Variants in TTLL11 observed in about 807,000 individuals in gnomAD.
TTLL11 encodes the protein tubulin tyrosine ligase like 11.
TTLL11 carries 42 observed loss-of-function variants against 51.7 expected under a neutral mutation model. That is an observed-to-expected ratio of 0.81 (90% CI 0.64 to 1.05). TTLL11 has a LOEUF of 1.05. Among genes scored for constraint, TTLL11 ranks in the 50% least tolerant of loss-of-function variants. The pLI is 0.00. For synonymous variants in TTLL11, 381 were observed against 383.5 expected (o/e 0.99, Z 0.08); for missense variants, 799 against 940.4 (o/e 0.85, Z 1.97).
intron 1 of TTLL11, among the ~76,000 whole-genome samples, chr9:122,055,243 A>AGATAGATAGAT (rs57031172): frequency 3.4e-5 from 5 of 144,962 alleles, no homozygotes; most frequent in Non-Finnish European, 3.2e-5. Context: ...ATAGATAGAT[A>AGATAGATAGAT]AAGGGGAGTT....
At chr9:121,947,791 C>T (rs1178623563) in intron 6 of TTLL11, among the ~76,000 whole-genome samples, 2 of 152,146 alleles carry the variant, frequency 1.3e-5, no homozygotes, top group African/African-American at 4.8e-5. Flanking sequence ...AAGTTACTTA[C>T]CCCCCAGGAT....
At chr9:121,842,870 G>A (rs1479006634) in intron 8 of TTLL11, among the ~76,000 whole-genome samples, 3 of 152,136 alleles carry the variant, frequency 2.0e-5, no homozygotes, top group Admixed American at 6.5e-5. Context: ...AAGAATTATG[G>A]CTCTACCACT....
intron 6 of TTLL11, among the ~76,000 whole-genome samples, chr9:121,911,359 T>C (rs1274579700): frequency 6.6e-6 from 1 of 151,970 alleles, no homozygotes. Flanking sequence ...ATTGTGCCAC[T>C]GCACTCCAGC....
At chr9:121,858,049 C>T (rs1010103761) in intron 8 of TTLL11, among the ~76,000 whole-genome samples, 3 of 152,108 alleles carry the variant, frequency 2.0e-5, no homozygotes, top group South Asian at 2.1e-4. Context: ...CAGAAAGTGC[C>T]GCTGCTCGAT....
At chr9:121,988,914 C>T (rs1480880661) in intron 4 of TTLL11, 9 of 591,932 alleles carry the variant, frequency 1.5e-5, no homozygotes, top group Non-Finnish European at 2.2e-5. Context: ...CTCTGCTTTA[C>T]ATGTGTTATC....
chr9:121,889,324 T>C (rs1377904948), intron 6 of TTLL11, among the ~76,000 whole-genome samples: 2 of 152,200 alleles, frequency 1.3e-5, no homozygotes, highest in Non-Finnish European at 2.9e-5. Flanking sequence ...TTGCTCGCTA[T>C]GTGATTTTGG....
intron 1 of TTLL11, among the ~76,000 whole-genome samples, chr9:122,071,377 G>A (rs1454082170): frequency 6.6e-6 from 1 of 152,218 alleles, no homozygotes; most frequent in East Asian, 1.9e-4. Context: ...CGCTGCTTTG[G>A]TGAAGAAAGC....
intron 8 of TTLL11, among the ~76,000 whole-genome samples, chr9:121,854,428 T>A (rs556844092): frequency 6.6e-6 from 1 of 152,200 alleles, no homozygotes; most frequent in Non-Finnish European, 1.5e-5. Context: ...GTCAGTTTTT[T>A]CTTCCTTTGC....
intron 1 of TTLL11, among the ~76,000 whole-genome samples, chr9:122,056,083 T>C (rs1280436117): frequency 6.6e-6 from 1 of 152,222 alleles, no homozygotes; most frequent in African/African-American, 2.4e-5. Context: ...TTTCCAGCAA[T>C]CGACAATGAC....
chr9:121,907,807 A>G (rs756917999), intron 6 of TTLL11, among the ~76,000 whole-genome samples: 10 of 152,208 alleles, frequency 6.6e-5, no homozygotes, highest in Non-Finnish European at 8.8e-5. Context: ...TATCCAACCA[A>G]GTGGATATTT....
chr9:121,996,199 C>T (rs1843254575), intron 3 of TTLL11, among the ~76,000 whole-genome samples: 1 of 152,142 alleles, frequency 6.6e-6, no homozygotes, highest in Non-Finnish European at 1.5e-5. Context: ...GTCTCACTTC[C>T]TGCCCTTCCC....
intron 1 of TTLL11, among the ~76,000 whole-genome samples, chr9:122,074,116 T>C (rs1315884397): frequency 1.3e-5 from 2 of 151,924 alleles, no homozygotes; most frequent in Non-Finnish European, 2.9e-5. Flanking sequence ...TTACCAAATA[T>C]ACAAAAAATT....
At chr9:122,008,327 G>A (rs775761343) in intron 3 of TTLL11, among the ~76,000 whole-genome samples, 5 of 152,140 alleles carry the variant, frequency 3.3e-5, no homozygotes, top group Non-Finnish European at 4.4e-5. Context: ...TTGCAAACCA[G>A]ACATCTGATA....
intron 1 of TTLL11, among the ~76,000 whole-genome samples, chr9:122,047,179 C>T (rs961189975): frequency 1.3e-5 from 2 of 152,152 alleles, no homozygotes. Flanking sequence ...CCAGCATATG[C>T]CTGTTGTCCT....
chr9:121,935,939 C>T (rs914751848), intron 6 of TTLL11, among the ~76,000 whole-genome samples: 5 of 152,188 alleles, frequency 3.3e-5, no homozygotes, highest in Non-Finnish European at 7.4e-5. Flanking sequence ...TCCAGGTACC[C>T]GGACCCTCTC....
rs906476138 is a variant in TTLL11 at position 121,887,257 on chromosome 9, C to A, written c.1482-16509G>T. Among the ~76,000 whole-genome samples the A allele has an allele frequency of 8.5e-5, 13 of 152,332 alleles. 1 individual carries two copies. The South Asian group carries it at 1.7e-3, about 19-fold the overall frequency. On this transcript the variant is annotated intron_variant, in intron 6 of 8. Transcript: ENST00000321582. ...ATATATGGCATGTGGGCAGCCCAAG[C>A]AGCTTCCTTTGCTGCCACAGAGCTA...
chr9:121,878,154 G>A (rs1274634570), intron 6 of TTLL11, among the ~76,000 whole-genome samples: 2 of 152,266 alleles, frequency 1.3e-5, no homozygotes, highest in East Asian at 3.9e-4. Context: ...CCTGGCAATG[G>A]AGAGAAGTTT....
chr9:121,882,779 G>A (rs1838847510), intron 6 of TTLL11, among the ~76,000 whole-genome samples: 2 of 152,098 alleles, frequency 1.3e-5, no homozygotes, highest in African/African-American at 2.4e-5. Context: ...CTAGACACCA[G>A]CCCACAGCCT....
At position 121,986,708 on chromosome 9, in the gene TTLL11, G is replaced by A. The variant is rs1267414166; in HGVS notation, c.1269+2487C>T. Among the ~76,000 whole-genome samples the A allele has an allele frequency of 5.3e-5, 8 of 152,056 alleles. 1 individual carries two copies. The Middle Eastern group carries it at 0.01, about 197-fold the overall frequency. On this transcript the variant is annotated intron_variant, in intron 4 of 8. Transcript: ENST00000321582. ...CTGCCTGGAAATCCTGCTGGCTGGC[G>A]CCTAGCCCCTGGGGTGTCCTCTCTG...
Sources: gnomAD v4.1 joint callset for allele counts (sites outside exome capture counted in the v4.1 genomes callset) on GRCh38, gnomAD v4.1.1 for gene constraint, MANE v1.5 for transcripts, NCBI Gene and HGNC (gene_info 2026-07-23, HGNC 2026-07-21) for gene names.